TTC39B: variants seen among roughly 807,000 people sequenced by gnomAD.
TTC39B encodes the protein tetratricopeptide repeat protein 39B.
TTC39B carries 92 observed loss-of-function variants against 96.6 expected under a neutral mutation model. The observed-to-expected ratio is 0.95, with a 90% CI of 0.80 to 1.13. The LOEUF is 1.13. Among genes scored for constraint, TTC39B ranks in the 50% most tolerant of loss-of-function variants. TTC39B has a pLI of 0.00. For synonymous variants in TTC39B, 367 were observed against 299.4 expected (o/e 1.23, Z -2.33); for missense variants, 955 against 809.3 (o/e 1.18, Z -2.18).
chr9:15,295,571 C>T (rs1381631116), intron 1 of TTC39B, among the ~76,000 whole-genome samples: 1 of 152,194 alleles, frequency 6.6e-6, no homozygotes, highest in African/African-American at 2.4e-5. Context: ...TTTCAACATA[C>T]TGAAATGTTA....
rs138741179 is a variant in TTC39B at position 15,262,383 on chromosome 9, G to A, written c.275+5531C>T. On this transcript the variant is annotated intron_variant, in intron 2 of 19. Transcript: ENST00000512701. ...CAAAGTGCTGGGATTACAGGCGTGA[G>A]CCATAGCACTTGGCCTATTTTAATT... Among the ~76,000 whole-genome samples the A allele has an allele frequency of 1.2e-3, 181 of 152,314 alleles. 1 individual carries two copies. Among genetic ancestry groups the A allele is most frequent in the African/African-American group, 4.0e-3 (167 of 41,564 alleles).
intron 2 of TTC39B, among the ~76,000 whole-genome samples, chr9:15,227,722 A>G (rs1412444181): frequency 6.6e-6 from 1 of 152,186 alleles, no homozygotes; most frequent in African/African-American, 2.4e-5. Context: ...ATTCTTGCCC[A>G]TCTGTTCATT....
chr9:15,270,576 A>G (rs1210171148), intron 1 of TTC39B, among the ~76,000 whole-genome samples: 2 of 151,826 alleles, frequency 1.3e-5, no homozygotes, highest in Non-Finnish European at 2.9e-5. Context: ...TAATATTTTC[A>G]TCTAAACAAG....
intron 2 of TTC39B, among the ~76,000 whole-genome samples, chr9:15,251,700 C>CACATATATATATATATAT (rs1822551805): frequency 1.0e-5 from 1 of 98,350 alleles, no homozygotes; most frequent in Non-Finnish European, 2.2e-5. Context: ...CATACATATA[C>CACATATATATATATATAT]ATATATATAT....
chr9:15,189,220 C>A (rs967850970), intron 13 of TTC39B, among the ~76,000 whole-genome samples: 1 of 152,236 alleles, frequency 6.6e-6, no homozygotes, highest in South Asian at 2.1e-4. Flanking sequence ...ACGTAGTAGA[C>A]CTGCATGTCA....
exon 11 of TTC39B, chr9:15,190,639 A>C (rs753532374): frequency 1.5e-5 from 25 of 1,614,216 alleles, no homozygotes; most frequent in Non-Finnish European, 2.0e-5. Flanking sequence ...AAGCACCTTC[A>C]CGTAACTGCA....
chr9:15,171,234 T>G (rs947832061), exon 20 of TTC39B: 4 of 127,814 alleles, frequency 3.1e-5, no homozygotes, highest in Admixed American at 8.2e-5. Context: ...AGCAGGAAAT[T>G]TACTTCCTAG....
chr9:15,260,777 A>G (rs749139065), intron 2 of TTC39B, among the ~76,000 whole-genome samples: 5 of 152,012 alleles, frequency 3.3e-5, no homozygotes, highest in Non-Finnish European at 7.3e-5. Flanking sequence ...CCAAGAAGCG[A>G]TCAAAATATT....
intron 3 of TTC39B, among the ~76,000 whole-genome samples, chr9:15,220,386 T>G (rs1405003691): frequency 6.6e-6 from 1 of 152,150 alleles, no homozygotes; most frequent in Admixed American, 6.6e-5. Flanking sequence ...CATAAGCTCA[T>G]AGTCTACAGT....
chr9:15,210,673 G>C (rs1820143943), intron 5 of TTC39B, among the ~76,000 whole-genome samples: 1 of 152,038 alleles, frequency 6.6e-6, no homozygotes, highest in South Asian at 2.1e-4. Context: ...ATCTGATCAG[G>C]GTGCTGCAGC....
intron 2 of TTC39B, among the ~76,000 whole-genome samples, chr9:15,231,129 G>T (rs1342410590): frequency 6.6e-6 from 1 of 152,074 alleles, no homozygotes; most frequent in African/African-American, 2.4e-5. Context: ...ACATTTTGAA[G>T]AACTACTAGA....
intron 1 of TTC39B, among the ~76,000 whole-genome samples, chr9:15,300,523 C>T (rs1824546864): frequency 6.6e-6 from 1 of 152,232 alleles, no homozygotes. Context: ...CCTCCACATC[C>T]TGGCTTCATC....
At chr9:15,302,715 G>C (rs979226595) in intron 1 of TTC39B, among the ~76,000 whole-genome samples, 4 of 151,620 alleles carry the variant, frequency 2.6e-5, no homozygotes, top group Non-Finnish European at 5.9e-5. Flanking sequence ...ATGGTGTTGG[G>C]CGCCTGTAAT....
At chr9:15,305,472 G>C (rs1348862852) in intron 1 of TTC39B, among the ~76,000 whole-genome samples, 1 of 152,174 alleles carries the variant, frequency 6.6e-6, no homozygotes, top group African/African-American at 2.4e-5. Context: ...TACCTAGCAT[G>C]TAACAGAAGC....
At chr9:15,168,245 A>AG (rs1817563629) in exon 20 of TTC39B, 1 of 152,196 alleles carries the variant, frequency 6.6e-6, no homozygotes. Context: ...AGCAAGACTG[A>AG]GGGGAAACAA....
chr9:15,197,976 A>G (rs1159476043), intron 8 of TTC39B, among the ~76,000 whole-genome samples: 1 of 152,232 alleles, frequency 6.6e-6, no homozygotes, highest in Admixed American at 6.5e-5. Context: ...ACACCCTCTA[A>G]GAAATGCTAA....
At chr9:15,234,202 A>G (rs1402709223) in intron 2 of TTC39B, among the ~76,000 whole-genome samples, 3 of 142,234 alleles carry the variant, frequency 2.1e-5, no homozygotes, top group East Asian at 2.2e-4. Flanking sequence ...TCCGGCAGCC[A>G]CCCCGTCTGG....
chr9:15,270,239 C>T (rs1006696105), intron 1 of TTC39B, among the ~76,000 whole-genome samples: 2 of 151,918 alleles, frequency 1.3e-5, no homozygotes, highest in African/African-American at 2.4e-5. Context: ...ACCTATTAAT[C>T]TACATTAATA....
intron 10 of TTC39B, 96 bp from the exon 11 acceptor site, chr9:15,190,758 G>C: frequency 1.0e-6 from 1 of 981,878 alleles, no homozygotes; most frequent in Non-Finnish European, 1.6e-6. Context: ...GGGGTTACAA[G>C]TACAGATTTC....
Sources: gnomAD v4.1 joint callset for allele counts (sites outside exome capture counted in the v4.1 genomes callset) on GRCh38, gnomAD v4.1.1 for gene constraint, MANE v1.5 for transcripts, NCBI Gene and HGNC (gene_info 2026-07-23, HGNC 2026-07-21) for gene names.